The following B3GLCT variants were observed in gnomAD, a reference collection of about 807,000 sequenced individuals.
B3GLCT encodes beta-1,3-glucosyltransferase.
In B3GLCT, 65 loss-of-function variants were observed where a neutral mutation model predicts 63.4. The ratio of observed to expected loss-of-function variants is 1.03; its 90% CI spans 0.84 to 1.26. The LOEUF is 1.26. Among genes scored for constraint, B3GLCT ranks in the 50% most tolerant of loss-of-function variants. The pLI is 0.00. For missense variants in B3GLCT, 577 were observed against 604.8 expected, an observed-to-expected ratio of 0.95 and a Z score of 0.48; for synonymous variants, 233 against 219.2, an observed-to-expected ratio of 1.06 and a Z score of -0.55.
rs533629591 is a variant in B3GLCT at position 31,308,594 on chromosome 13, C to A, written c.1065-8972C>A. Among the ~76,000 whole-genome samples the A allele has an allele frequency of 5.9e-5, 9 of 152,134 alleles. No individual in the cohort carries two copies. The East Asian group carries it at 1.7e-3, about 29-fold the overall frequency. ...AATTGTTCAGCATTGAGTTGTGGGT[C>A]CTGCATCAAACCAAACATGCTCTTC... On this transcript the variant is annotated intron_variant, in intron 12 of 14. Coordinates refer to ENST00000343307, the MANE Select transcript of B3GLCT (RefSeq NM_194318.4).
chr13:31,272,177 A>G (rs902336818), intron 8 of B3GLCT, among the ~76,000 whole-genome samples: 1 of 150,622 alleles, frequency 6.6e-6, no homozygotes, highest in Non-Finnish European at 1.5e-5. Flanking sequence ...TTTGACTTCT[A>G]TCACTTTATT....
At chr13:31,227,713 G>A (rs776827948) in intron 3 of B3GLCT, among the ~76,000 whole-genome samples, 1 of 152,156 alleles carries the variant, frequency 6.6e-6, no homozygotes, top group Non-Finnish European at 1.5e-5. Flanking sequence ...GTGAATATTT[G>A]AGCAAGTGAA....
rs76787256 is a variant in B3GLCT at position 31,269,772 on chromosome 13, G to T, written c.660+495G>T. ...GATTAGCACTTTTATAAAAGAGGCC[G>T]CAGGGGGCTTCCTTGCCCTTTCTGC... is the stretch of plus-strand genomic sequence containing the variant. On this transcript the variant is annotated intron_variant, in intron 8 of 14. Coordinates refer to ENST00000343307, the MANE Select transcript of B3GLCT (RefSeq NM_194318.4). Among the ~76,000 whole-genome samples the T allele has an allele frequency of 4.4e-3, 668 of 152,212 alleles. 4 individuals carry two copies. Among genetic ancestry groups the T allele is most frequent in the African/African-American group, 0.015 (631 of 41,522 alleles).
chr13:31,207,341 T>C (rs1201088219), intron 1 of B3GLCT, among the ~76,000 whole-genome samples: 1 of 152,126 alleles, frequency 6.6e-6, no homozygotes, highest in African/African-American at 2.4e-5. Context: ...TGTTCTGTAG[T>C]AGGCTGTGTG....
intron 1 of B3GLCT, among the ~76,000 whole-genome samples, chr13:31,212,236 T>G (rs1380544767): frequency 6.7e-6 from 1 of 150,010 alleles, no homozygotes; most frequent in Non-Finnish European, 1.5e-5. Context: ...CCTAACTAGC[T>G]GGGATGACAG....
At chr13:31,313,979 G>T (rs1001549523) in intron 12 of B3GLCT, among the ~76,000 whole-genome samples, 1 of 152,214 alleles carries the variant, frequency 6.6e-6, no homozygotes, top group Non-Finnish European at 1.5e-5. Context: ...TACAGCTTGG[G>T]CTGTGACTTC....
At chr13:31,208,095 T>TTGTACTCTGTACACAGTACAAAGTACTC (rs761855496) in intron 1 of B3GLCT, among the ~76,000 whole-genome samples, 360 of 152,260 alleles carry the variant, frequency 2.4e-3, no homozygotes, top group Middle Eastern at 0.01. Context: ...TCTTTGTACT[T>TTGTACTCTGTACACAGTACAAAGTACTC]TGTACTCTGT....
chr13:31,280,362 T>C (rs1442864646), intron 10 of B3GLCT, among the ~76,000 whole-genome samples: 4 of 152,232 alleles, frequency 2.6e-5, no homozygotes, highest in African/African-American at 9.6e-5. Flanking sequence ...GTCCCTCCGT[T>C]TGGGGTCCCT....
At chr13:31,216,521 G>A (rs1322190067) in intron 2 of B3GLCT, among the ~76,000 whole-genome samples, 1 of 152,026 alleles carries the variant, frequency 6.6e-6, no homozygotes, top group Non-Finnish European at 1.5e-5. Flanking sequence ...TGTCATAGGG[G>A]TTTGATGGAT....
At chr13:31,274,651 C>T (rs755995146) in intron 9 of B3GLCT, 23 bp downstream of exon 9, 5 of 1,613,858 alleles carry the variant, frequency 3.1e-6, no homozygotes, top group Non-Finnish European at 4.2e-6. Flanking sequence ...AGAAAAACTT[C>T]TTTGCATATC....
At chr13:31,228,376 G>A (rs187828302) in intron 3 of B3GLCT, among the ~76,000 whole-genome samples, 1 of 152,342 alleles carries the variant, frequency 6.6e-6, no homozygotes, top group Admixed American at 6.5e-5. Context: ...TCTTGAAGTA[G>A]TGTAGTAGTG....
chr13:31,298,044 A>C (rs7991707), intron 12 of B3GLCT, among the ~76,000 whole-genome samples: 16,629 of 152,128 alleles, frequency 0.11, 1,736 homozygotes, highest in East Asian at 0.43. Context: ...GCCACTGATG[A>C]TCAACTTGAC....
chr13:31,330,961 G>C lies in B3GLCT; in HGVS notation c.*1293G>C, dbSNP rs1361325117. 1.3e-5 allele frequency: 2 copies of C among 152,122 alleles called. No homozygotes were observed. Among genetic ancestry groups the C allele is most frequent in the Non-Finnish European group, 2.9e-5 (2 of 68,026 alleles). 9.4% of individuals were successfully genotyped at this position (152,122 alleles called of 1,614,324 possible). Reference sequence around the variant, plus strand: ...GTTAATATGTTTTTCTTGTAGCATAGATTGACTATTTGCAATAGTATTAGT... The same window carrying C: ...GTTAATATGTTTTTCTTGTAGCATACATTGACTATTTGCAATAGTATTAGT... On this transcript the variant is annotated 3_prime_UTR_variant, in exon 15 of 15. Transcript: ENST00000343307.
rs151097868 is a variant in B3GLCT, at chr13:31,314,803, C to T, written c.1065-2763C>T. On this transcript the variant is annotated intron_variant, in intron 12 of 14. Coordinates refer to ENST00000343307, the MANE Select transcript of B3GLCT (RefSeq NM_194318.4). ...TGGAATGATATGGTTTGGCTGTGTC[C>T]GCACCTAAATCTCAACTCGAATTGT... Among the ~76,000 whole-genome samples, 185 of 152,180 alleles carry T rather than the reference C, an allele frequency of 1.2e-3. 1 individual carries two copies. Among genetic ancestry groups the T allele is most frequent in the African/African-American group, 4.1e-3 (170 of 41,518 alleles).
intron 12 of B3GLCT, among the ~76,000 whole-genome samples, chr13:31,301,162 A>G (rs1442514900): frequency 6.6e-6 from 1 of 152,182 alleles, no homozygotes; most frequent in East Asian, 1.9e-4. Flanking sequence ...AATGTCCTGT[A>G]GCAAGGAAGT....
intron 1 of B3GLCT, among the ~76,000 whole-genome samples, chr13:31,214,037 G>A (rs1244527240): frequency 6.6e-6 from 1 of 152,164 alleles, no homozygotes; most frequent in Admixed American, 6.5e-5. Context: ...CTGGGGGTGG[G>A]GATGGGGAGG....
intron 10 of B3GLCT, among the ~76,000 whole-genome samples, chr13:31,282,747 A>G (rs756395307): frequency 6.6e-6 from 1 of 152,110 alleles, no homozygotes; most frequent in Non-Finnish European, 1.5e-5. Context: ...GAATCATAAT[A>G]TCTTAGTATA....
intron 12 of B3GLCT, among the ~76,000 whole-genome samples, chr13:31,300,856 G>C (rs4941811): frequency 2.0e-5 from 3 of 151,940 alleles, no homozygotes; most frequent in African/African-American, 7.3e-5. Context: ...GCAAAGTTCA[G>C]GCCCCTCCCC....
At chr13:31,285,234 A>G (rs1031446479) in intron 11 of B3GLCT, among the ~76,000 whole-genome samples, 1 of 152,104 alleles carries the variant, frequency 6.6e-6, no homozygotes, top group African/African-American at 2.4e-5. Flanking sequence ...TTTCTCTTCA[A>G]ATTGCAGGCT....
Sources: gnomAD v4.1 joint callset for allele counts (sites outside exome capture counted in the v4.1 genomes callset) on GRCh38, gnomAD v4.1.1 for gene constraint, MANE v1.5 for transcripts, NCBI Gene and HGNC (gene_info 2026-07-23, HGNC 2026-07-21) for gene names.